Variants in TLL1 observed in about 807,000 individuals in gnomAD.
TLL1 encodes the protein tolloid-like protein 1.
TLL1 carries 49 observed loss-of-function variants against 128.2 expected under a neutral mutation model. The ratio of observed to expected loss-of-function variants is 0.38; its 90% CI spans 0.30 to 0.48. The LOEUF is 0.48. TLL1 is among the 20% of genes least tolerant of loss of function. The pLI is 0.96. For synonymous variants in TLL1, 454 were observed against 418.8 expected (o/e 1.08, Z -1.03); for missense variants, 1,123 against 1,242.0 (o/e 0.90, Z 1.44).
chr4:165,990,961 T>C (rs1453324832), intron 2 of TLL1, among the ~76,000 whole-genome samples: 5 of 151,972 alleles, frequency 3.3e-5, no homozygotes, highest in South Asian at 2.1e-4. Context: ...AAATCTCCAG[T>C]TGCTATATCA....
intron 1 of TLL1, among the ~76,000 whole-genome samples, chr4:165,888,552 ATAT>A (rs1051012740): frequency 8.7e-5 from 13 of 149,642 alleles, no homozygotes; most frequent in Non-Finnish European, 1.6e-4. Flanking sequence ...ACACTGGAAA[ATAT>A]TTTTTTTTTT....
At chr4:166,045,787 A>G (rs2111098023) in intron 12 of TLL1, among the ~76,000 whole-genome samples, 3 of 152,014 alleles carry the variant, frequency 2.0e-5, no homozygotes, top group Non-Finnish European at 1.5e-5. Flanking sequence ...ACATCACAGC[A>G]TTTACCACTG....
chr4:166,044,386 G>C (rs1421724502), intron 12 of TLL1: 7 of 1,535,446 alleles, frequency 4.6e-6, no homozygotes, highest in Admixed American at 2.0e-5. Context: ...GGAGAATCCA[G>C]GGATTGCCAG....
intron 8 of TLL1, among the ~76,000 whole-genome samples, chr4:166,021,714 A>C (rs1738244791): frequency 6.6e-6 from 1 of 152,148 alleles, no homozygotes; most frequent in Admixed American, 6.5e-5. Context: ...TACAGGCGTA[A>C]GCCACCGCGC....
chr4:166,035,551 G>A (rs527316286), intron 9 of TLL1, among the ~76,000 whole-genome samples: 1 of 152,132 alleles, frequency 6.6e-6, no homozygotes, highest in Admixed American at 6.6e-5. Context: ...GTAAACCAGC[G>A]AACTGAGAAG....
At chr4:166,100,149 T>C (rs1019589681) in intron 20 of TLL1, among the ~76,000 whole-genome samples, 2 of 152,124 alleles carry the variant, frequency 1.3e-5, no homozygotes, top group African/African-American at 2.4e-5. Flanking sequence ...AATATTTATA[T>C]ATTTATAGTC....
intron 1 of TLL1, among the ~76,000 whole-genome samples, chr4:165,890,666 C>A (rs1731359685): frequency 6.6e-6 from 1 of 152,218 alleles, no homozygotes; most frequent in Admixed American, 6.5e-5. Flanking sequence ...TGGCCTTGGG[C>A]AGCTCTGCCT....
chr4:166,026,801 T>G (rs1392647265), intron 9 of TLL1, among the ~76,000 whole-genome samples: 1 of 152,088 alleles, frequency 6.6e-6, no homozygotes, highest in Non-Finnish European at 1.5e-5. Flanking sequence ...GGAAAAAAAT[T>G]TAAAAGATTG....
chr4:165,935,268 C>G (rs376139459), intron 1 of TLL1, among the ~76,000 whole-genome samples: 100 of 152,238 alleles, frequency 6.6e-4, no homozygotes, highest in African/African-American at 2.2e-3. Flanking sequence ...CTAGAAATAC[C>G]TCTGTGACAG....
intron 1 of TLL1, among the ~76,000 whole-genome samples, chr4:165,933,995 C>T (rs986267983): frequency 7.9e-5 from 12 of 151,914 alleles, no homozygotes; most frequent in Admixed American, 7.2e-4. Flanking sequence ...TGGTGACGTT[C>T]ATCCTCTCTT....
intron 1 of TLL1, among the ~76,000 whole-genome samples, chr4:165,948,752 A>T (rs950208525): frequency 5.3e-5 from 8 of 152,156 alleles, no homozygotes; most frequent in African/African-American, 9.7e-5. Flanking sequence ...ATACTGCCAC[A>T]TTGGTGATTA....
At chr4:165,949,694 G>T (rs1308640242) in intron 1 of TLL1, among the ~76,000 whole-genome samples, 1 of 152,040 alleles carries the variant, frequency 6.6e-6, no homozygotes, top group East Asian at 1.9e-4. Context: ...GTTTCTTCCT[G>T]TGAAACCAAT....
chr4:165,897,219 T>C (rs1022192826), intron 1 of TLL1, among the ~76,000 whole-genome samples: 1 of 152,304 alleles, frequency 6.6e-6, no homozygotes, highest in South Asian at 2.1e-4. Context: ...GTGCAGAAGC[T>C]CTTTAGTTTA....
At chr4:165,894,861 G>A (rs1731598040) in intron 1 of TLL1, among the ~76,000 whole-genome samples, 2 of 151,772 alleles carry the variant, frequency 1.3e-5, no homozygotes, top group African/African-American at 4.8e-5. Context: ...GTGTGTGTGT[G>A]TGTGTGTGTG....
At chr4:166,075,123 T>C (rs1344372556) in intron 17 of TLL1, 120 bp downstream of exon 17, 16 of 1,447,672 alleles carry the variant, frequency 1.1e-5, no homozygotes, top group Non-Finnish European at 1.3e-5. Context: ...GCTATCCAAA[T>C]GTCAAAAAAC....
intron 18 of TLL1, among the ~76,000 whole-genome samples, chr4:166,079,422 G>A (rs1341979663): frequency 6.6e-6 from 1 of 151,914 alleles, no homozygotes; most frequent in Non-Finnish European, 1.5e-5. Flanking sequence ...TAGAATTCTA[G>A]GATGACAGTT....
At chr4:166,099,157 C>T (rs1007364082) in intron 19 of TLL1, 120 bp from the exon 20 acceptor site, 160 of 1,475,078 alleles carry the variant, frequency 1.1e-4, no homozygotes, top group South Asian at 2.5e-4. Flanking sequence ...ACATATCTGA[C>T]GCTGGAAGTA....
intron 1 of TLL1, among the ~76,000 whole-genome samples, chr4:165,922,428 C>G (rs1254479963): frequency 6.6e-6 from 1 of 152,130 alleles, no homozygotes; most frequent in African/African-American, 2.4e-5. Flanking sequence ...TGCTTCTTCT[C>G]TATTATTCTT....
chr4:165,949,541 G>A (rs1483499526), intron 1 of TLL1, among the ~76,000 whole-genome samples: 2 of 152,122 alleles, frequency 1.3e-5, no homozygotes, highest in African/African-American at 4.8e-5. Flanking sequence ...TCATGCTGCT[G>A]ATAAAGACAT....
Sources: allele counts gnomAD v4.1 joint callset (sites outside exome capture counted in the v4.1 genomes callset), GRCh38; gene constraint gnomAD v4.1.1; transcripts MANE v1.5; gene names NCBI Gene and HGNC (gene_info 2026-07-23, HGNC 2026-07-21).